The following AKR1B1 variants were observed in gnomAD, a reference collection of about 807,000 sequenced individuals.
AKR1B1 encodes aldo-keto reductase family 1 member B1.
A neutral mutation model predicts 40.4 loss-of-function variants in AKR1B1; 22 were observed. The ratio of observed to expected loss-of-function variants is 0.54; its 90% CI spans 0.39 to 0.78. The LOEUF (loss-of-function observed/expected upper bound fraction) is 0.78. Among genes scored for constraint, AKR1B1 ranks in the 30% least tolerant of loss-of-function variants. AKR1B1 has a pLI of 0.00. For missense variants in AKR1B1, 357 were observed against 396.7 expected (o/e 0.90, Z 0.85); for synonymous variants, 157 against 149.9 (o/e 1.05, Z -0.35).
At chr7:134,446,745 C>A (rs546362493) in intron 8 of AKR1B1, among the ~76,000 whole-genome samples, 2 of 152,244 alleles carry the variant, frequency 1.3e-5, no homozygotes, top group Non-Finnish European at 2.9e-5. Context: ...CCTTGCAGAG[C>A]TGGTGAATGG....
intron 1 of AKR1B1, 70 bp from the exon 2 acceptor site, chr7:134,451,823 G>A: frequency 6.5e-7 from 1 of 1,541,290 alleles, no homozygotes; most frequent in Non-Finnish European, 8.8e-7. Flanking sequence ...GGCAGTGGCA[G>A]CCACCGATAC....
rs73724958 is a variant in AKR1B1, at chr7:134,447,939, A to G, written c.741+41T>C. 2,332 of 1,527,418 alleles carry G rather than the reference A, an allele frequency of 1.5e-3. 37 individuals carry two copies. In the African/African-American group the frequency reaches 0.029, roughly 19 times the overall value. The allele number at this position is 1,527,418 out of a possible 1,614,324, so 94.6% of individuals were successfully genotyped here. Reference sequence around the variant, plus strand: ...TGGCTAACAGGACTGTCAGGAATGCAGGCAGTTGTGGACGGTCAGCAACAC... The same window carrying G: ...TGGCTAACAGGACTGTCAGGAATGCGGGCAGTTGTGGACGGTCAGCAACAC... On this transcript the variant is annotated intron_variant, in intron 7 of 9. Transcript: ENST00000285930.
rs781579622 is a variant in AKR1B1, at chr7:134,445,333, CAA to C, written c.826-15_826-14del. 1.9e-6 allele frequency: 3 copies of C among 1,605,794 alleles called. No homozygotes were observed. The highest frequency in any genetic ancestry group is 1.7e-6 in the Non-Finnish European group (2 of 1,175,082). The stretch of plus-strand genomic sequence containing the variant: ...CAAAGTCAAAGACCTAAAAAACAAA[CAA>C]AAAAATCCAGTAAGCTCTGCAAATA... On this transcript the variant is annotated splice_polypyrimidine_tract_variant and intron_variant, in intron 8 of 9. Transcript: ENST00000285930.
At chr7:134,455,282 A>T (rs1409935310) in intron 1 of AKR1B1, among the ~76,000 whole-genome samples, 1 of 152,212 alleles carries the variant, frequency 6.6e-6, no homozygotes, top group Non-Finnish European at 1.5e-5. Context: ...AAGCAGAAGT[A>T]CAATATTATC....
At chr7:134,459,185 A>C (rs531685133), upstream of AKR1B1, 619 of 1,271,106 alleles carry the variant, frequency 4.9e-4, 1 homozygote, top group Non-Finnish European at 5.8e-4. Flanking sequence ...TGCGCGAAGG[A>C]GCCTTCTGAT....
Position 134,449,065 on chromosome 7 carries a change from A to C in AKR1B1, c.484T>G (p.Phe162Val). The change falls in exon 5 of 10, where the codon TTC becomes GTC. Residue 162 changes from phenylalanine to valine, a missense_variant. Phe to Val is a conservative substitution (Grantham distance 50). Transcript: ENST00000285930. ...ATCATCTCCACCTGGAGATGGTTGA[A>C]GTTGGAGATGCCAATAGCTTTCACC... is the stretch of plus-strand genomic sequence containing the variant. ...GLVKAIGISNFNHLQVEMILN... is the reference protein window; with the variant it reads ...GLVKAIGISNVNHLQVEMILN... 6.2e-7 allele frequency: 1 copy of C among 1,614,140 alleles called. No homozygotes were observed. The highest frequency in any genetic ancestry group is 1.1e-5 in the South Asian group (1 of 91,080).
chr7:134,451,659 T>C lies in AKR1B1; in HGVS notation c.161A>G (p.Glu54Gly). The C allele has an allele frequency of 6.2e-7, 1 of 1,614,110 alleles. No homozygotes were observed. The highest frequency in any genetic ancestry group is 1.1e-5 in the South Asian group (1 of 91,070). The change falls in exon 2 of 10, where the codon GAG becomes GGG. Residue 54 changes from glutamate (E) to glycine (G), a missense_variant. Transcript: ENST00000285930. ...DCAHVYQNEN[E>G]VGVAIQEKLR... ...CTTCTCCTGAATGGCCACCCCCACC[T>C]CATTCTCATTCTGGTACACATGGGC...
rs1428133282 is a variant in AKR1B1, at chr7:134,448,400, G to C, written c.646C>G (p.Pro216Ala). 1 of 1,613,648 alleles carries C rather than the reference G, an allele frequency of 6.2e-7. No individual in the cohort carries two copies. Among genetic ancestry groups the C allele is most frequent in the Admixed American group, 1.7e-5 (1 of 60,012 alleles). ...VVTAYSPLGS[P>A]DRPWAKPEDP... ...TGGGAAGCTCACCAGGGCCTGTCAG[G>C]AGAGCCGAGGGGGCTGTAGGCGGTC... The change falls in exon 6 of 10, where the codon CCT (proline) becomes GCT (alanine). Residue 216 changes from proline (P) to alanine (A), a missense_variant. Coordinates refer to ENST00000285930, the MANE Select transcript of AKR1B1 (RefSeq NM_001628.4).
At chr7:134,455,575 TTTG>T (rs1013943445) in intron 1 of AKR1B1, among the ~76,000 whole-genome samples, 15 of 152,102 alleles carry the variant, frequency 9.9e-5, no homozygotes, top group African/African-American at 2.9e-4. Flanking sequence ...GTGATGGGTT[TTTG>T]TTGTTGTTGT....
intron 1 of AKR1B1, among the ~76,000 whole-genome samples, chr7:134,458,730 G>T (rs757762652): frequency 6.6e-6 from 1 of 152,138 alleles, no homozygotes. Flanking sequence ...GGTTGCCCGC[G>T]GTAGGGCGGG....
intron 1 of AKR1B1, among the ~76,000 whole-genome samples, chr7:134,453,618 G>A (rs2551476): frequency 1.3e-5 from 2 of 152,062 alleles, no homozygotes; most frequent in South Asian, 4.2e-4. Context: ...TCAAGCTTGC[G>A]TTGGCACGAC....
At chr7:134,458,615 G>C (rs879631165) in intron 1 of AKR1B1, among the ~76,000 whole-genome samples, 3 of 152,142 alleles carry the variant, frequency 2.0e-5, no homozygotes, top group Non-Finnish European at 2.9e-5. Context: ...CTGCGCCCGA[G>C]GTCCACCGGT....
At chr7:134,450,673 T>C (rs1806255246) in intron 3 of AKR1B1, 113 bp downstream of exon 3, 1 of 845,642 alleles carries the variant, frequency 1.2e-6, no homozygotes, top group Admixed American at 1.7e-5. Flanking sequence ...TGGCTATACC[T>C]TGAGCAGCAA....
intron 1 of AKR1B1, among the ~76,000 whole-genome samples, chr7:134,458,535 T>C (rs1806561367): frequency 6.6e-6 from 1 of 152,200 alleles, no homozygotes; most frequent in Non-Finnish European, 1.5e-5. Flanking sequence ...GCAACCGGGC[T>C]ACAGGTGCCT....
chr7:134,445,814 G>C (rs1423135506), intron 8 of AKR1B1, among the ~76,000 whole-genome samples: 1 of 152,256 alleles, frequency 6.6e-6, no homozygotes, highest in African/African-American at 2.4e-5. Flanking sequence ...TATTTGACAT[G>C]GCCTAAGAAG....
intron 7 of AKR1B1, chr7:134,447,671 G>C (rs1806145932): frequency 1.6e-6 from 1 of 611,564 alleles, no homozygotes; most frequent in African/African-American, 1.8e-5. Context: ...TACCACTCAG[G>C]AGAAAGAACA....
chr7:134,453,297 G>C (rs1156450400), intron 1 of AKR1B1, among the ~76,000 whole-genome samples: 1 of 152,196 alleles, frequency 6.6e-6, no homozygotes, highest in Non-Finnish European at 1.5e-5. Flanking sequence ...CTGGTGCGGG[G>C]ACAGGAACAT....
intron 6 of AKR1B1, 91 bp downstream of exon 6, chr7:134,448,296 A>G (rs76101064): frequency 1.4e-6 from 1 of 734,308 alleles, no homozygotes; most frequent in Non-Finnish European, 2.1e-6. Flanking sequence ...GATCACCCCC[A>G]GAAACATCTT....
chr7:134,451,918 C>CG (rs1403986131), intron 1 of AKR1B1, 165 bp from the exon 2 acceptor site: 30 of 743,262 alleles, frequency 4.0e-5, no homozygotes, highest in Non-Finnish European at 6.0e-5. Context: ...GCCTCAGACG[C>CG]GGGGGATGGA....
Sources: allele counts gnomAD v4.1 joint callset (sites outside exome capture counted in the v4.1 genomes callset), GRCh38; gene constraint gnomAD v4.1.1; transcripts MANE v1.5; gene names NCBI Gene and HGNC (gene_info 2026-07-23, HGNC 2026-07-21).